The following CLCA4 variants were observed in gnomAD, a reference collection of about 807,000 sequenced individuals.
The protein encoded by CLCA4 is chloride channel accessory 4.
CLCA4 carries 69 observed loss-of-function variants against 78.9 expected under a neutral mutation model. The ratio of observed to expected loss-of-function variants is 0.87; its 90% confidence interval spans 0.72 to 1.07. CLCA4 has a LOEUF of 1.07. Ranked by LOEUF, CLCA4 falls within the 50% of genes least tolerant of loss-of-function variation. The probability of loss-of-function intolerance (pLI) is 0.00; values close to 1 mark genes in which losing one functional copy is unlikely to be tolerated. For synonymous variants in CLCA4, 362 were observed against 375.8 expected (o/e 0.96, Z 0.42); for missense variants, 1,133 against 1,095.8 (o/e 1.03, Z -0.48).
In CLCA4 at chr1:86,565,867, C is replaced by A. The variant is rs755357644; in HGVS notation, c.801C>A (p.Cys267Ter). ...QEAPSLQNIK[C>*]NFRSTWEVIS... is the part of the protein sequence containing the mutation. ...CTCCAAGCCTACAAAACATAAAGTG[C>A]AATTTTAGAAGTACATGGGAGGTGA... The change falls in exon 6 of 14, where the codon TGC becomes TGA. Residue 267 changes from cysteine to a stop codon, truncating the protein, a stop_gained. Coordinates refer to ENST00000370563, the MANE Select transcript of CLCA4 (RefSeq NM_012128.4). LOFTEE classifies it high-confidence loss of function. The A allele has an allele frequency of 6.2e-7, 1 of 1,605,090 alleles. No individual in the cohort carries two copies. Among genetic ancestry groups the A allele is most frequent in the Admixed American group, 1.7e-5 (1 of 59,258 alleles).
chr1:86,548,279 T>A lies in CLCA4; in HGVS notation c.159+1001T>A, dbSNP rs115949661. 9.8e-3 allele frequency among the ~76,000 whole-genome samples: 1,485 copies of A among 152,304 alleles called. 31 individuals are homozygous for A. Among genetic ancestry groups the A allele is most frequent in the African/African-American group, 0.034 (1,423 of 41,554 alleles). The stretch of plus-strand genomic sequence containing the variant: ...GTCTATTCAGATCATTTGCCCATTT[T>A]AAAATATTATTATTATTATTACTTT... On this transcript the variant is annotated intron_variant, in intron 1 of 13. Transcript: ENST00000370563.
At chr1:86,562,604 C>T (rs1408279619) in intron 3 of CLCA4, among the ~76,000 whole-genome samples, 4 of 151,204 alleles carry the variant, frequency 2.6e-5, no homozygotes, top group Non-Finnish European at 5.9e-5. Context: ...CCTGTAATCT[C>T]AGCACTTTGG....
rs922057500 is a variant in CLCA4 at position 86,565,897 on chromosome 1, C to A, written c.831C>A (p.Ser277Arg). 1.2e-6 allele frequency: 2 copies of A among 1,612,036 alleles called. No individual in the cohort carries two copies. Among genetic ancestry groups the A allele is most frequent in the African/African-American group, 1.3e-5 (1 of 74,952 alleles). The change falls in exon 6 of 14, where the codon AGC becomes AGA. Residue 277 changes from serine (S) to arginine (R), a missense_variant. By Grantham distance (110) the Ser-to-Arg change is moderately radical. Coordinates refer to ENST00000370563, the MANE Select transcript of CLCA4 (RefSeq NM_012128.4). ...TTAGAAGTACATGGGAGGTGATTAG[C>A]AATTCTGAGGATTTTAAAAACACCA... ...CNFRSTWEVI[S>R]NSEDFKNTIP...
At chr1:86,579,110 A>G (rs1260788712) in intron 12 of CLCA4, among the ~76,000 whole-genome samples, 1 of 152,010 alleles carries the variant, frequency 6.6e-6, no homozygotes, top group East Asian at 1.9e-4. Flanking sequence ...GAATTATATA[A>G]TATTTCTGTC....
intron 7 of CLCA4, among the ~76,000 whole-genome samples, chr1:86,568,241 C>T (rs1186322965): frequency 2.0e-5 from 3 of 151,302 alleles, no homozygotes; most frequent in South Asian, 4.2e-4. Flanking sequence ...CTTACCTATA[C>T]AATATAGGAA....
intron 1 of CLCA4, among the ~76,000 whole-genome samples, chr1:86,547,971 G>A (rs1649547856): frequency 6.6e-6 from 1 of 152,134 alleles, no homozygotes; most frequent in African/African-American, 2.4e-5. Context: ...ACCCACTAGT[G>A]GAATTGCTGA....
chr1:86,572,796 G>T, intron 9 of CLCA4, 76 bp downstream of exon 9: 1 of 850,638 alleles, frequency 1.2e-6, no homozygotes, highest in South Asian at 1.4e-5. Context: ...TATAAGTTTT[G>T]AGTTCCATAT....
At chr1:86,556,372 T>A (rs1649843634) in intron 1 of CLCA4, among the ~76,000 whole-genome samples, 1 of 152,124 alleles carries the variant, frequency 6.6e-6, no homozygotes, top group Non-Finnish European at 1.5e-5. Flanking sequence ...TTTGAGGTAT[T>A]TTCCTTCAAT....
chr1:86,551,844 A>C (rs993383035), intron 1 of CLCA4, among the ~76,000 whole-genome samples: 2 of 152,206 alleles, frequency 1.3e-5, no homozygotes, highest in African/African-American at 4.8e-5. Flanking sequence ...AAAATTCTCC[A>C]TAATTTATGC....
At chr1:86,548,549 G>A (rs986269662) in intron 1 of CLCA4, among the ~76,000 whole-genome samples, 10 of 151,940 alleles carry the variant, frequency 6.6e-5, no homozygotes, top group Non-Finnish European at 1.0e-4. Context: ...GGGCATGGTG[G>A]CACATGCCTG....
intron 1 of CLCA4, among the ~76,000 whole-genome samples, chr1:86,558,865 C>T (rs770326331): frequency 6.6e-6 from 1 of 152,178 alleles, no homozygotes; most frequent in Non-Finnish European, 1.5e-5. Flanking sequence ...GAAACCATAT[C>T]AGCTTCCAAT....
rs1253273665 is a variant in CLCA4, at chr1:86,571,422, T to C, written c.1360+168T>C. ...GAGTCCAGTTGGCTGGAGAGACAAA[T>C]AAAACTGTTGATGAAATAACATAAT... is the stretch of plus-strand genomic sequence containing the variant. On this transcript the variant is annotated intron_variant, in intron 8 of 13. Transcript: ENST00000370563. The C allele has an allele frequency of 3.9e-5, 21 of 544,062 alleles. No homozygotes were observed. In the East Asian group the frequency reaches 4.8e-4, roughly 13 times the overall value. 33.7% of individuals were successfully genotyped at this position (544,062 alleles called of 1,614,324 possible). A position where few individuals can be genotyped will look rare whatever the true frequency, so the allele number is the denominator to read the frequency against.
chr1:86,566,286 C>T (rs1650188698), intron 6 of CLCA4, among the ~76,000 whole-genome samples: 1 of 152,040 alleles, frequency 6.6e-6, no homozygotes, highest in Admixed American at 6.6e-5. Flanking sequence ...TAAAGCCCTT[C>T]TACTGTTTCC....
At chr1:86,568,272 G>C (rs773580428) in intron 7 of CLCA4, among the ~76,000 whole-genome samples, 14 of 151,320 alleles carry the variant, frequency 9.3e-5, no homozygotes, top group Non-Finnish European at 1.6e-4. Context: ...CTACCTCATA[G>C]AGTAATTATG....
chr1:86,566,087 G>C lies in CLCA4; in HGVS notation c.954+67G>C, dbSNP rs2231594. 1.1e-3 allele frequency: 1,504 copies of C among 1,370,644 alleles called. 14 individuals are homozygous for C. In the African/African-American group the frequency reaches 0.018, roughly 17 times the overall value. The allele number at this position is 1,370,644 out of a possible 1,614,324, so 84.9% of individuals were successfully genotyped here. A position where few individuals can be genotyped will look rare whatever the true frequency, so the allele number is the denominator to read the frequency against. ...AAGATCCGAGAACACACTGAACTCT[G>C]TCTGCACCTAGATTGTTCTAAATTG... On this transcript the variant is annotated intron_variant, in intron 6 of 13. Transcript: ENST00000370563.
Position 86,567,504 on chromosome 1 carries a change from G to A in CLCA4, c.1035G>A (p.Gly345=), listed in dbSNP as rs572172518. 114 of 1,613,280 alleles carry A rather than the reference G, an allele frequency of 7.1e-5. 2 individuals carry two copies. The South Asian group carries it at 1.2e-3, about 17-fold the overall frequency. The change falls in exon 7 of 14, where the codon GGG becomes GGA. Residue 345 remains glycine (G), a synonymous_variant. Transcript: ENST00000370563. ...LQTVENGSWV[G]MVHFDSTATI... ...CTGTTGAAAATGGATCCTGGGTGGG[G>A]ATGGTTCACTTTGATAGTACTGCCA...
chr1:86,564,503 C>G (rs531302086), intron 4 of CLCA4, among the ~76,000 whole-genome samples: 8 of 152,224 alleles, frequency 5.3e-5, no homozygotes, highest in African/African-American at 1.9e-4. Flanking sequence ...GAATATTCAG[C>G]ATGATTTTCC....
Position 86,567,408 on chromosome 1 carries a change from T to C in CLCA4, c.955-16T>C. 6.4e-7 allele frequency: 1 copy of C among 1,571,386 alleles called. No homozygotes were observed. The highest frequency in any genetic ancestry group is 8.6e-7 in the Non-Finnish European group (1 of 1,156,474). On this transcript the variant is annotated splice_polypyrimidine_tract_variant and intron_variant, in intron 6 of 13. Coordinates refer to ENST00000370563, the MANE Select transcript of CLCA4 (RefSeq NM_012128.4). ...GTCAAAATCACTTGTTTGTTTTTCT[T>C]GTCTTTTTAATCTAGGGTAAGGACC...
At chr1:86,562,167 T>C (rs573865283) in intron 3 of CLCA4, among the ~76,000 whole-genome samples, 1 of 152,298 alleles carries the variant, frequency 6.6e-6, no homozygotes, top group African/African-American at 2.4e-5. Flanking sequence ...GAGACAATGA[T>C]GTAGACAGGA....
Sources: gnomAD v4.1 joint callset for allele counts (sites outside exome capture counted in the v4.1 genomes callset) on GRCh38, gnomAD v4.1.1 for gene constraint, MANE v1.5 for transcripts, NCBI Gene and HGNC (gene_info 2026-07-23, HGNC 2026-07-21) for gene names.